ARHGEF38: variants seen among roughly 807,000 people sequenced by gnomAD.
The protein encoded by ARHGEF38 is Rho guanine nucleotide exchange factor 38, also known as Rho guanine nucleotide exchange factor (GEF) 38.
A neutral mutation model predicts 79.9 loss-of-function variants in ARHGEF38; 79 were observed. The observed-to-expected ratio is 0.99, with a 90% CI of 0.82 to 1.19. The LOEUF (loss-of-function observed/expected upper bound fraction) is 1.19. Among genes scored for constraint, ARHGEF38 ranks in the 50% most tolerant of loss-of-function variants. The probability of loss-of-function intolerance (pLI) is 0.00; values close to 1 mark genes in which losing one functional copy is unlikely to be tolerated. For missense variants in ARHGEF38, 962 were observed against 907.2 expected (o/e 1.06, Z -0.78); for synonymous variants, 366 against 328.3 (o/e 1.11, Z -1.24).
At chr4:105,662,189 A>T (rs1318378631) in intron 10 of ARHGEF38, among the ~76,000 whole-genome samples, 2 of 152,104 alleles carry the variant, frequency 1.3e-5, no homozygotes, top group African/African-American at 4.8e-5. Flanking sequence ...GTCTTCACAT[A>T]TGAGGGCTAT....
At chr4:105,632,538 T>C (rs1470171416) in intron 4 of ARHGEF38, among the ~76,000 whole-genome samples, 7 of 152,176 alleles carry the variant, frequency 4.6e-5, no homozygotes, top group Non-Finnish European at 8.8e-5. Flanking sequence ...AGAAGCACAG[T>C]CCTCTAAATG....
chr4:105,617,395 T>C (rs1016802539), intron 3 of ARHGEF38, among the ~76,000 whole-genome samples: 2 of 152,176 alleles, frequency 1.3e-5, no homozygotes, highest in Admixed American at 1.3e-4. Flanking sequence ...GTAAAAACTG[T>C]AGTGAAAATT....
intron 1 of ARHGEF38, among the ~76,000 whole-genome samples, chr4:105,558,345 A>G (rs1725353203): frequency 6.6e-6 from 1 of 152,206 alleles, no homozygotes; most frequent in Non-Finnish European, 1.5e-5. Context: ...CAAATTGTCC[A>G]GCTTCCTGTG....
At chr4:105,561,168 G>T (rs182173966) in intron 1 of ARHGEF38, among the ~76,000 whole-genome samples, 2 of 151,870 alleles carry the variant, frequency 1.3e-5, no homozygotes, top group African/African-American at 2.4e-5. Context: ...TGGGTCTATC[G>T]CTTGAGCCCA....
In ARHGEF38 at chr4:105,589,437, T is replaced by C. The variant is rs1420954358; in HGVS notation, c.384+2T>C. 3.7e-6 allele frequency: 6 copies of C among 1,600,278 alleles called. No individual in the cohort carries two copies. The highest frequency in any genetic ancestry group is 1.8e-5 in the Admixed American group (1 of 56,448). ...GTTCAGCCCCTGAGAAATAAAAAGG[T>C]AAATATATATTTGAGATTTTTTTTT... On this transcript the variant is annotated splice_donor_variant, in intron 2 of 13. Transcript: ENST00000420470. LOFTEE classifies it high-confidence loss of function.
Position 105,645,269 on chromosome 4 carries a change from C to T in ARHGEF38, c.756C>T (p.Cys252=), listed in dbSNP as rs563322838. 4.1e-5 allele frequency: 63 copies of T among 1,536,516 alleles called. No individual in the cohort carries two copies. In the East Asian group the frequency reaches 4.4e-4, roughly 11 times the overall value. The change falls in exon 6 of 14, where the codon TGC becomes TGT. Residue 252 remains cysteine, a synonymous_variant. Transcript: ENST00000420470. ...QRVMKYPLLL[C]ELRNSTPPSH... ...TGATGAAATACCCCCTATTACTGTGCGAACTTCGGAATTCCACCCCTCCCT... is the reference window on the plus strand; with the variant it reads ...TGATGAAATACCCCCTATTACTGTGTGAACTTCGGAATTCCACCCCTCCCT...
rs879803345 is a variant in ARHGEF38, at chr4:105,561,508, TA to T, written c.196+8548del. The stretch of plus-strand genomic sequence containing the variant: ...TAGAATAGAATAGAATAGAATAGAA[TA>T]GAATAGAATAGAATAGAATAGAATA... On this transcript the variant is annotated intron_variant, in intron 1 of 13. Coordinates refer to ENST00000420470, the MANE Select transcript of ARHGEF38 (RefSeq NM_001242729.2). 1.8e-4 allele frequency: 26 copies of T among 146,048 alleles called. 1 individual carries two copies. Among genetic ancestry groups the T allele is most frequent in the Middle Eastern group, 3.4e-3 (1 of 296 alleles). 9.0% of individuals were successfully genotyped at this position (146,048 alleles called of 1,614,324 possible).
At chr4:105,665,424 G>A (rs1314473027) in intron 10 of ARHGEF38, among the ~76,000 whole-genome samples, 1 of 151,890 alleles carries the variant, frequency 6.6e-6, no homozygotes, top group Non-Finnish European at 1.5e-5. Flanking sequence ...TTGAACCAGG[G>A]AGTCGGAGGT....
chr4:105,672,833 T>G (rs1354033679), intron 13 of ARHGEF38, among the ~76,000 whole-genome samples: 1 of 152,200 alleles, frequency 6.6e-6, no homozygotes, highest in African/African-American at 2.4e-5. Flanking sequence ...GACTCCTTTT[T>G]CTTGTTGGCA....
chr4:105,644,546 G>C (rs1204129102), intron 5 of ARHGEF38, among the ~76,000 whole-genome samples: 1 of 152,200 alleles, frequency 6.6e-6, no homozygotes, highest in Non-Finnish European at 1.5e-5. Flanking sequence ...TCACTTTTGT[G>C]TAGTCATTTG....
At chr4:105,603,032 C>A (rs1289124458) in intron 2 of ARHGEF38, among the ~76,000 whole-genome samples, 1 of 152,098 alleles carries the variant, frequency 6.6e-6, no homozygotes, top group Non-Finnish European at 1.5e-5. Flanking sequence ...AGGACTCTGG[C>A]AGTCCCATCA....
chr4:105,562,774 G>A (rs963437633), intron 1 of ARHGEF38, among the ~76,000 whole-genome samples: 3 of 152,128 alleles, frequency 2.0e-5, no homozygotes, highest in East Asian at 1.9e-4. Flanking sequence ...TTGGGTTTCC[G>A]ACTTGCAAAT....
intron 2 of ARHGEF38, among the ~76,000 whole-genome samples, chr4:105,608,159 G>T (rs1418874526): frequency 6.6e-6 from 1 of 151,972 alleles, no homozygotes; most frequent in African/African-American, 2.4e-5. Context: ...TTCCATAATG[G>T]CTGTACTAAT....
chr4:105,665,697 A>G (rs1183912542), intron 10 of ARHGEF38, among the ~76,000 whole-genome samples: 2 of 152,004 alleles, frequency 1.3e-5, no homozygotes, highest in East Asian at 3.9e-4. Context: ...CAGCCTCCCT[A>G]TTGGCTGTGA....
chr4:105,674,861 A>C (rs1206721170), intron 13 of ARHGEF38, among the ~76,000 whole-genome samples: 1 of 152,110 alleles, frequency 6.6e-6, no homozygotes, highest in Non-Finnish European at 1.5e-5. Context: ...TAAAGTAAAA[A>C]ACTACCACTA....
intron 10 of ARHGEF38, among the ~76,000 whole-genome samples, chr4:105,664,960 C>A (rs1730695307): frequency 6.6e-6 from 1 of 152,060 alleles, no homozygotes; most frequent in African/African-American, 2.4e-5. Flanking sequence ...TGATTGAATC[C>A]ATTTGGAAGC....
At chr4:105,576,819 A>T (rs1190840994) in intron 1 of ARHGEF38, among the ~76,000 whole-genome samples, 1 of 152,120 alleles carries the variant, frequency 6.6e-6, no homozygotes, top group Non-Finnish European at 1.5e-5. Context: ...GGTTTTTATC[A>T]TAAAGGGATG....
Position 105,659,052 on chromosome 4 carries a change from A to T in ARHGEF38, c.1234-2A>T, listed in dbSNP as rs1426318647. The T allele has an allele frequency of 1.3e-6, 2 of 1,525,154 alleles. No homozygotes were observed. The highest frequency in any genetic ancestry group is 2.8e-5 in the African/African-American group (2 of 72,346). 94.5% of individuals were successfully genotyped at this position (1,525,154 alleles called of 1,614,324 possible). A position where few individuals can be genotyped will look rare whatever the true frequency, so the allele number is the denominator to read the frequency against. ...AAATGGGCTCATTTTTTCTTTTGGC[A>T]GGCATCTCACTTACAGAGACTCATC... is the stretch of plus-strand genomic sequence containing the variant. On this transcript the variant is annotated splice_acceptor_variant, in intron 9 of 13. Coordinates refer to ENST00000420470, the MANE Select transcript of ARHGEF38 (RefSeq NM_001242729.2). LOFTEE classifies it high-confidence loss of function.
chr4:105,599,141 A>C (rs1727712076), intron 2 of ARHGEF38, among the ~76,000 whole-genome samples: 1 of 152,122 alleles, frequency 6.6e-6, no homozygotes, highest in South Asian at 2.1e-4. Flanking sequence ...TTTTTATGGG[A>C]AGGAAATCTC....
Sources: gnomAD v4.1 joint callset for allele counts (sites outside exome capture counted in the v4.1 genomes callset) on GRCh38, gnomAD v4.1.1 for gene constraint, MANE v1.5 for transcripts, NCBI Gene and HGNC (gene_info 2026-07-23, HGNC 2026-07-21) for gene names.